GPR89B: variants seen among roughly 807,000 people sequenced by gnomAD.
The protein encoded by GPR89B is G protein-coupled receptor 89B.
A neutral mutation model predicts 52.4 loss-of-function variants in GPR89B; 25 were observed. The observed-to-expected ratio is 0.48, with a 90% CI of 0.35 to 0.67. GPR89B has a LOEUF of 0.67. GPR89B is among the 30% of genes least tolerant of loss of function. The pLI, the probability that GPR89B is intolerant of heterozygous loss-of-function variation, is 0.01. For missense variants in GPR89B, 146 were observed against 450.2 expected (o/e 0.32, Z 6.11); for synonymous variants, 52 against 151.2 (o/e 0.34, Z 4.81).
intron 10 of GPR89B, among the ~76,000 whole-genome samples, chr1:147,977,524 C>T (rs1321749057): frequency 6.6e-6 from 1 of 151,902 alleles, no homozygotes; most frequent in Non-Finnish European, 1.5e-5. Flanking sequence ...GAAGTTCTGG[C>T]CTGTCTTGCT....
At chr1:147,935,239 G>A (rs1558031825) in intron 1 of GPR89B, among the ~76,000 whole-genome samples, 1 of 151,996 alleles carries the variant, frequency 6.6e-6, no homozygotes, top group Non-Finnish European at 1.5e-5. Context: ...CACAGGTCTC[G>A]ATGTGAAAGA....
intron 7 of GPR89B, among the ~76,000 whole-genome samples, 167 bp downstream of exon 7, chr1:147,954,569 G>A (rs1197557133): frequency 6.6e-6 from 1 of 151,058 alleles, no homozygotes; most frequent in African/African-American, 2.4e-5. Flanking sequence ...TGTGATCCCA[G>A]CACTTTGGGA....
Position 147,993,251 on chromosome 1 carries a change from C to G in GPR89B, c.*334C>G. On this transcript the variant is annotated 3_prime_UTR_variant, in exon 14 of 14. Transcript: ENST00000314163. ...GCAAGAGATGTCTATGGTAGCTGAG[C>G]CAAACACGTAGGATTTCCGTTTTAA... The G allele has an allele frequency of 1.4e-6, 1 of 704,492 alleles. No homozygotes were observed. The highest frequency in any genetic ancestry group is 2.1e-6 in the Non-Finnish European group (1 of 466,658). The allele number at this position is 704,492 out of a possible 1,614,324, so 43.6% of individuals were successfully genotyped here. A position where few individuals can be genotyped will look rare whatever the true frequency, so the allele number is the denominator to read the frequency against.
At chr1:147,998,709 A>G in the GPR89B span, among the ~76,000 whole-genome samples, 1 of 151,062 alleles carries the variant, frequency 6.6e-6, no homozygotes. Flanking sequence ...GTGAAACCTC[A>G]TTCTCTACTA....
rs1659191819 is a variant in GPR89B at position 147,993,192 on chromosome 1, A to G, written c.*275A>G. The G allele has an allele frequency of 1.0e-6, 1 of 989,222 alleles. No individual in the cohort carries two copies. Among genetic ancestry groups the G allele is most frequent in the Non-Finnish European group, 1.4e-6 (1 of 707,134 alleles). 61.3% of individuals were successfully genotyped at this position (989,222 alleles called of 1,614,324 possible). On this transcript the variant is annotated 3_prime_UTR_variant, in exon 14 of 14. Coordinates refer to ENST00000314163, the MANE Select transcript of GPR89B (RefSeq NM_016334.5). ...GGTGTAGAGGCGGAGAGGAGCCAAG[A>G]AACTAAAGGTGAAAAATACACTGGA...
At chr1:147,968,828 C>T in intron 8 of GPR89B, 47 bp from the exon 9 acceptor site, 1 of 1,613,532 alleles carries the variant, frequency 6.2e-7, no homozygotes, top group South Asian at 1.1e-5. Flanking sequence ...ATTGCCATTT[C>T]TTGAAATTCC....
chr1:147,992,978 G>A lies in GPR89B; in HGVS notation c.*61G>A, dbSNP rs1281581242. On this transcript the variant is annotated 3_prime_UTR_variant, in exon 14 of 14. Transcript: ENST00000314163. ...TTTCAAAATTTAGATATAAGAGGGG[G>A]GAAAAATGGAACCAGGGCCTGACAT... is the stretch of plus-strand genomic sequence containing the variant. 1 of 1,335,478 alleles carries A rather than the reference G, an allele frequency of 7.5e-7. No homozygotes were observed. The highest frequency in any genetic ancestry group is 1.0e-6 in the Non-Finnish European group (1 of 996,154). 82.7% of individuals were successfully genotyped at this position (1,335,478 alleles called of 1,614,324 possible). A position where few individuals can be genotyped will look rare whatever the true frequency, so the allele number is the denominator to read the frequency against.
chr1:147,930,363 G>A (rs780238787), intron 1 of GPR89B, among the ~76,000 whole-genome samples: 2 of 152,012 alleles, frequency 1.3e-5, no homozygotes, highest in Non-Finnish European at 2.9e-5. Context: ...TTTCCATTTC[G>A]GCTGCCTTCT....
At chr1:147,995,480 G>A, downstream of GPR89B, 1 of 1,188,750 alleles carries the variant, frequency 8.4e-7, no homozygotes, top group South Asian at 1.5e-5. Context: ...TCTTTACATT[G>A]TCATTTTCTA....
At chr1:147,984,524 A>G (rs1295965653) in intron 10 of GPR89B, among the ~76,000 whole-genome samples, 2 of 147,186 alleles carry the variant, frequency 1.4e-5, no homozygotes, top group Admixed American at 6.8e-5. Flanking sequence ...ATTTTTTGCT[A>G]TTTCATTGAT....
At chr1:147,958,345 T>G (rs1414616980) in intron 7 of GPR89B, among the ~76,000 whole-genome samples, 3 of 151,832 alleles carry the variant, frequency 2.0e-5, no homozygotes, top group African/African-American at 7.3e-5. Context: ...TTTCTTTTAT[T>G]CATATAAAGA....
rs1654254889 is a variant in GPR89B, at chr1:147,938,148, G to C, written c.103-566G>C. 2.6e-5 allele frequency among the ~76,000 whole-genome samples: 4 copies of C among 152,204 alleles called. No individual in the cohort carries two copies. The South Asian group carries it at 6.2e-4, about 24-fold the overall frequency. On this transcript the variant is annotated intron_variant, in intron 2 of 13. Coordinates refer to ENST00000314163, the MANE Select transcript of GPR89B (RefSeq NM_016334.5). ...GTTTTTATCTTAAGCTTTGGATTCA[G>C]AAGATCACCACCCTAGACTCGACAT...
At chr1:147,990,092 T>C (rs1414441775) in intron 12 of GPR89B, among the ~76,000 whole-genome samples, 2 of 152,176 alleles carry the variant, frequency 1.3e-5, no homozygotes, top group Non-Finnish European at 2.9e-5. Flanking sequence ...AGTGTAAAAG[T>C]GTTGCTATTT....
At chr1:147,934,896 C>T (rs1457375277) in intron 1 of GPR89B, among the ~76,000 whole-genome samples, 4 of 152,044 alleles carry the variant, frequency 2.6e-5, no homozygotes, top group Non-Finnish European at 5.9e-5. Context: ...GAAGAATAAA[C>T]CATCTTTTAT....
At chr1:147,966,757 C>T in intron 8 of GPR89B, 94 bp downstream of exon 8, 1 of 70,086 alleles carries the variant, frequency 1.4e-5, no homozygotes, top group Admixed American at 2.2e-4. Flanking sequence ...TCTAAGGTAC[C>T]TGACTACATC....
At chr1:148,011,827 C>T in the GPR89B span, 1 of 152,134 alleles carries the variant, frequency 6.6e-6, no homozygotes, top group African/African-American at 2.4e-5. Flanking sequence ...TGAGAGAAAA[C>T]AAACTCCAGA....
chr1:148,011,531 G>A, the GPR89B span: 1 of 152,354 alleles, frequency 6.6e-6, no homozygotes, highest in African/African-American at 2.4e-5. Context: ...GGTCTGGGAA[G>A]GAGAGAGCTG....
chr1:147,937,278 T>C (rs6681135), intron 2 of GPR89B, among the ~76,000 whole-genome samples: 11,785 of 150,042 alleles, frequency 0.079, 951 homozygotes, highest in African/African-American at 0.2. Flanking sequence ...AGGGAGTGTA[T>C]GAATAGGGAG....
At chr1:148,001,659 C>T in the GPR89B span, 1 of 627,716 alleles carries the variant, frequency 1.6e-6, no homozygotes, top group Admixed American at 2.8e-5. Flanking sequence ...CACCAGCATC[C>T]CAGGAAGCTT....
Sources: gnomAD v4.1 joint callset for allele counts (sites outside exome capture counted in the v4.1 genomes callset) on GRCh38, gnomAD v4.1.1 for gene constraint, MANE v1.5 for transcripts, NCBI Gene and HGNC (gene_info 2026-07-23, HGNC 2026-07-21) for gene names.